The following FGGY variants were observed in gnomAD, a reference collection of about 807,000 sequenced individuals.
FGGY encodes the protein FGGY carbohydrate kinase domain-containing protein.
Under a neutral mutation model 71.3 loss-of-function variants are expected in FGGY, and 72 were observed. The observed-to-expected ratio is 1.01, with a 90% CI of 0.84 to 1.23. The LOEUF (loss-of-function observed/expected upper bound fraction) is 1.23. Among genes scored for constraint, FGGY ranks in the 50% most tolerant of loss-of-function variants. The pLI, the probability that FGGY is intolerant of heterozygous loss-of-function variation, is 0.00. For synonymous variants in FGGY, 251 were observed against 250.3 expected, an observed-to-expected ratio of 1.00 and a Z score of -0.02; for missense variants, 668 against 682.3, an observed-to-expected ratio of 0.98 and a Z score of 0.23.
At chr1:59,430,210 G>A (rs554403968) in intron 5 of FGGY, among the ~76,000 whole-genome samples, 10 of 152,198 alleles carry the variant, frequency 6.6e-5, no homozygotes, top group African/African-American at 2.4e-4. Flanking sequence ...TAATTACTTG[G>A]CTTTTTCTGC....
At chr1:59,586,299 G>A (rs2096285229) in intron 8 of FGGY, among the ~76,000 whole-genome samples, 2 of 152,156 alleles carry the variant, frequency 1.3e-5, no homozygotes, top group Non-Finnish European at 2.9e-5. Flanking sequence ...AGAAAATGTG[G>A]CAAATATACA....
chr1:59,326,643 T>G (rs1031764130), intron 2 of FGGY, among the ~76,000 whole-genome samples: 12 of 152,212 alleles, frequency 7.9e-5, no homozygotes, highest in African/African-American at 2.7e-4. Context: ...ACCTTTATAT[T>G]TTGCATGGAA....
chr1:59,635,139 T>C (rs986810593), intron 10 of FGGY, among the ~76,000 whole-genome samples: 2 of 152,214 alleles, frequency 1.3e-5, no homozygotes, highest in Non-Finnish European at 2.9e-5. Flanking sequence ...AAAGGCATCA[T>C]GCAAGGTTAA....
chr1:59,414,141 G>A (rs2064006045), intron 5 of FGGY, among the ~76,000 whole-genome samples: 1 of 152,174 alleles, frequency 6.6e-6, no homozygotes, highest in Admixed American at 6.5e-5. Context: ...GAAACTTCAG[G>A]TTGACAGCCT....
intron 8 of FGGY, among the ~76,000 whole-genome samples, chr1:59,558,052 T>A (rs552112803): frequency 6.6e-6 from 1 of 152,308 alleles, no homozygotes; most frequent in African/African-American, 2.4e-5. Context: ...CCCCACCACT[T>A]ACTGTGTGAA....
At chr1:59,625,946 T>G (rs750814551) in intron 9 of FGGY, 42 bp from the exon 10 acceptor site, 1 of 1,490,634 alleles carries the variant, frequency 6.7e-7, no homozygotes, top group Admixed American at 2.0e-5. Flanking sequence ...TATACATAAA[T>G]TAAAGAAGCT....
At chr1:59,472,099 GC>G (rs1175680227) in intron 6 of FGGY, among the ~76,000 whole-genome samples, 1 of 152,232 alleles carries the variant, frequency 6.6e-6, no homozygotes, top group African/African-American at 2.4e-5. Context: ...GCCGGAGCCG[GC>G]CCCCTCAGCT....
intron 5 of FGGY, among the ~76,000 whole-genome samples, chr1:59,389,707 T>C (rs1213499959): frequency 1.3e-5 from 2 of 152,186 alleles, no homozygotes; most frequent in Non-Finnish European, 2.9e-5. Flanking sequence ...ACCAGAAATA[T>C]ATGAAAGTTC....
chr1:59,505,096 C>T (rs933161370), intron 6 of FGGY, among the ~76,000 whole-genome samples: 4 of 152,078 alleles, frequency 2.6e-5, no homozygotes, highest in Non-Finnish European at 5.9e-5. Context: ...GTGTGTGTTT[C>T]TTTATTAAAC....
At chr1:59,555,465 G>T (rs1003085898) in intron 8 of FGGY, among the ~76,000 whole-genome samples, 1 of 152,178 alleles carries the variant, frequency 6.6e-6, no homozygotes, top group African/African-American at 2.4e-5. Context: ...AGTGCTGCAA[G>T]AATTAAATGA....
chr1:59,467,883 T>G (rs2092726244), intron 6 of FGGY, among the ~76,000 whole-genome samples: 1 of 149,838 alleles, frequency 6.7e-6, no homozygotes. Flanking sequence ...ATTGTTTCTT[T>G]CTTGTTTTTT....
intron 6 of FGGY, among the ~76,000 whole-genome samples, chr1:59,494,076 G>A (rs1430584127): frequency 1.3e-5 from 2 of 152,116 alleles, no homozygotes; most frequent in Admixed American, 6.5e-5. Context: ...ACATAGATCA[G>A]TTCGATTCAT....
chr1:59,382,496 A>G (rs1031176246), intron 5 of FGGY, among the ~76,000 whole-genome samples: 2 of 152,174 alleles, frequency 1.3e-5, no homozygotes, highest in Non-Finnish European at 2.9e-5. Context: ...AGTGTTCTCA[A>G]CTTTACCCTG....
At chr1:59,559,877 A>G (rs2095757631) in intron 8 of FGGY, among the ~76,000 whole-genome samples, 1 of 152,212 alleles carries the variant, frequency 6.6e-6, no homozygotes. Context: ...TATTTTGAAT[A>G]AATAAATCAA....
Position 59,382,296 on chromosome 1 carries a change from G to T in FGGY, c.554+3459G>T, listed in dbSNP as rs116974941. ...GATAGGGTGTGATAATTCAGCAGCG[G>T]GGGCTTCCAGCAGGGAGACAGCAGA... On this transcript the variant is annotated intron_variant, in intron 5 of 15. Transcript: ENST00000303721. 4.2e-4 allele frequency among the ~76,000 whole-genome samples: 64 copies of T among 152,214 alleles called. No homozygotes were observed. The East Asian group carries it at 8.5e-3, about 20-fold the overall frequency.
chr1:59,413,068 C>A (rs1038591353), intron 5 of FGGY, among the ~76,000 whole-genome samples: 1 of 152,178 alleles, frequency 6.6e-6, no homozygotes, highest in African/African-American at 2.4e-5. Flanking sequence ...TTTCTTTGAC[C>A]TGGAATGCCC....
rs368890675 is a variant in FGGY at position 59,308,359 on chromosome 1, C to A, written c.-15+11209C>A. ...GGTAGGAGCTATACTAAGCACAGTT[C>A]AACTCAATACAGAGAAGGTCTTCCT... is the stretch of plus-strand genomic sequence containing the variant. On this transcript the variant is annotated intron_variant, in intron 1 of 15. Coordinates refer to ENST00000303721, the MANE Select transcript of FGGY (RefSeq NM_018291.5). 5.9e-5 allele frequency among the ~76,000 whole-genome samples: 9 copies of A among 152,246 alleles called. 1 individual carries two copies. Among genetic ancestry groups the A allele is most frequent in the African/African-American group, 2.2e-4 (9 of 41,546 alleles).
intron 14 of FGGY, among the ~76,000 whole-genome samples, chr1:59,752,345 G>A (rs1026641443): frequency 6.6e-6 from 1 of 152,100 alleles, no homozygotes; most frequent in East Asian, 1.9e-4. Context: ...TCTGCCTTCT[G>A]GGAGTTCATA....
chr1:59,382,986 A>G (rs1206938697), intron 5 of FGGY, among the ~76,000 whole-genome samples: 1 of 152,158 alleles, frequency 6.6e-6, no homozygotes, highest in African/African-American at 2.4e-5. Context: ...GCATGCATAC[A>G]CACGGTGGAC....
Sources: allele counts gnomAD v4.1 joint callset (sites outside exome capture counted in the v4.1 genomes callset), GRCh38; gene constraint gnomAD v4.1.1; transcripts MANE v1.5; gene names NCBI Gene and HGNC (gene_info 2026-07-23, HGNC 2026-07-21).